RPS25: variants seen among roughly 807,000 people sequenced by gnomAD.
RPS25 encodes small ribosomal subunit protein eS25.
RPS25 carries 1 observed loss-of-function variant against 14.4 expected under a neutral mutation model. The observed-to-expected ratio is 0.07, with a 90% CI of 0.02 to 0.33. RPS25 has a LOEUF of 0.33. Among genes scored for constraint, RPS25 ranks in the 10% least tolerant of loss-of-function variants. The pLI is 1.00. For missense variants in RPS25, 65 were observed against 144.6 expected, an observed-to-expected ratio of 0.45 and a Z score of 2.82; for synonymous variants, 63 against 53.8, an observed-to-expected ratio of 1.17 and a Z score of -0.75.
chr11:119,017,254 C>T, intron 3 of RPS25, 108 bp downstream of exon 3: 2 of 811,566 alleles, frequency 2.5e-6, no homozygotes, highest in East Asian at 2.7e-5. Context: ...ATGGTCAAGC[C>T]ACGCTTTTTT....
At chr11:119,017,577 G>T in intron 2 of RPS25, 32 bp from the exon 3 acceptor site, 1 of 1,591,200 alleles carries the variant, frequency 6.3e-7, no homozygotes, top group Non-Finnish European at 8.6e-7. Context: ...AAACAAGTTA[G>T]TATTTCTGGC....
At position 119,015,858 on chromosome 11, in the gene RPS25, C is replaced by A. The variant is rs1287164542; in HGVS notation, c.365G>T (p.Gly122Val). The A allele has an allele frequency of 6.2e-7, 1 of 1,603,450 alleles. No individual in the cohort carries two copies. Among genetic ancestry groups the A allele is most frequent in the Non-Finnish European group, 8.5e-7 (1 of 1,170,408 alleles). The change falls in exon 4 of 5, where the codon GGT (glycine) becomes GTT (valine). Residue 122 changes from glycine (G) to valine (V), a missense_variant. Physicochemically the swap from Gly to Val is moderately radical, Grantham distance 109. Coordinates refer to ENST00000527673, the MANE Select transcript of RPS25 (RefSeq NM_001028.3). ...NTKGGDAPAA[G>V]EDA ...CTACTCACCTATTCATGCATCTTCA[C>A]CAGCAGCTGGAGCATCTCCACCCTT...
rs1238370899 is a variant in RPS25, at chr11:119,017,994, G to A, written c.63C>T (p.Asp21=). The A allele has an allele frequency of 4.3e-6, 7 of 1,612,400 alleles. No homozygotes were observed. The highest frequency in any genetic ancestry group is 5.1e-6 in the Non-Finnish European group (6 of 1,179,990). ...CCTTGCCCCCGGATTTGTTCACTGG[G>A]TCTTTGTCTTTCTTGGCCGACTTTC... ...DAGKSAKKDK[D]PVNKSGGKAK... is the part of the protein sequence containing the mutation. The change falls in exon 2 of 5, where the codon GAC becomes GAT. Residue 21 remains aspartate (D), a synonymous_variant. Transcript: ENST00000527673.
intron 3 of RPS25, among the ~76,000 whole-genome samples, chr11:119,016,659 C>G (rs1205598611): frequency 2.9e-5 from 4 of 138,726 alleles, no homozygotes; most frequent in African/African-American, 5.2e-5. Flanking sequence ...CTGAGACAGT[C>G]TTTTGCTGTC....
At position 119,017,992 on chromosome 11, in the gene RPS25, G is replaced by C; in HGVS notation, c.65C>G (p.Pro22Arg). 1 of 1,612,372 alleles carries C rather than the reference G, an allele frequency of 6.2e-7. No individual in the cohort carries two copies. The highest frequency in any genetic ancestry group is 8.5e-7 in the Non-Finnish European group (1 of 1,179,972). Residue 22 changes from proline (P) to arginine (R), a missense_variant, in exon 2 of 5, where the codon CCA becomes CGA. Physicochemically the swap from Pro to Arg is moderately radical, Grantham distance 103 (BLOSUM62 -2). Transcript: ENST00000527673. ...AGKSAKKDKDPVNKSGGKAKK... is the reference protein window; with the variant it reads ...AGKSAKKDKDRVNKSGGKAKK... The stretch of plus-strand genomic sequence containing the variant: ...GGCCTTGCCCCCGGATTTGTTCACT[G>C]GGTCTTTGTCTTTCTTGGCCGACTT...
chr11:119,017,924 C>T (rs373304306), intron 2 of RPS25, 34 bp downstream of exon 2: 383 of 1,532,594 alleles, frequency 2.5e-4, no homozygotes, highest in Non-Finnish European at 3.3e-4. Context: ...GAGAGAGTTA[C>T]CCCTAGTCTC....
Position 119,017,553 on chromosome 11 carries a change from CCAAAA to C in RPS25, c.100-13_100-9del. On this transcript the variant is annotated splice_polypyrimidine_tract_variant and intron_variant, in intron 2 of 4. Coordinates refer to ENST00000527673, the MANE Select transcript of RPS25 (RefSeq NM_001028.3). ...TTTGCCTTTGGACCACTTCTGCTCACCAAAACAAAACAGAAACAAGTTAGTATTTC... is the reference window on the plus strand; with the variant it reads ...TTTGCCTTTGGACCACTTCTGCTCACCAAAACAGAAACAAGTTAGTATTTC... 1.2e-6 allele frequency: 2 copies of C among 1,610,090 alleles called. No individual in the cohort carries two copies. Among genetic ancestry groups the C allele is most frequent in the Non-Finnish European group, 1.7e-6 (2 of 1,177,514 alleles).
At chr11:119,018,086 C>T in intron 1 of RPS25, 33 bp from the exon 2 acceptor site, 1 of 1,601,646 alleles carries the variant, frequency 6.2e-7, no homozygotes, top group South Asian at 1.1e-5. Context: ...CAACCAGGTC[C>T]TCAAATAGCG....
At chr11:119,016,503 G>C (rs1457844548) in intron 3 of RPS25, among the ~76,000 whole-genome samples, 1 of 152,126 alleles carries the variant, frequency 6.6e-6, no homozygotes, top group Non-Finnish European at 1.5e-5. Context: ...CTCCCAAGTA[G>C]CTAGAAATAC....
chr11:119,016,527 C>T (rs565838889), intron 3 of RPS25, among the ~76,000 whole-genome samples: 2 of 152,248 alleles, frequency 1.3e-5, no homozygotes, highest in South Asian at 4.2e-4. Flanking sequence ...GGTACCACTG[C>T]ACCTGGCTCC....
chr11:119,016,031 T>C (rs1180752817), intron 3 of RPS25, 92 bp from the exon 4 acceptor site: 1 of 766,492 alleles, frequency 1.3e-6, no homozygotes, highest in Non-Finnish European at 2.3e-6. Context: ...CTCATGCTTA[T>C]AATCCCACTG....
chr11:119,017,611 TA>T (rs1943193385), intron 2 of RPS25, 66 bp from the exon 3 acceptor site: 1 of 1,348,804 alleles, frequency 7.4e-7, no homozygotes, highest in Non-Finnish European at 1.0e-6. Context: ...CCCTCTCGAG[TA>T]ATCTGCGTCA....
rs1459176762 is a variant in RPS25, at chr11:119,018,176, G to T, written c.3+106C>A. 6 of 1,585,528 alleles carry T rather than the reference G, an allele frequency of 3.8e-6. No individual in the cohort carries two copies. The South Asian group carries it at 6.6e-5, about 18-fold the overall frequency. On this transcript the variant is annotated intron_variant, in intron 1 of 4. Coordinates refer to ENST00000527673, the MANE Select transcript of RPS25 (RefSeq NM_001028.3). Reference sequence around the variant, plus strand: ...CATGGGCCAAGCAATAACCGCGCCCGCCCTGCAACCGAGGCCGGCAGGCCA... The same window carrying T: ...CATGGGCCAAGCAATAACCGCGCCCTCCCTGCAACCGAGGCCGGCAGGCCA...
rs1438324687 is a variant in RPS25, at chr11:119,018,193, G to A, written c.3+89C>T. ...CCGCGCCCGCCCTGCAACCGAGGCC[G>A]GCAGGCCAAGGAGCGCTCCCGCCGA... On this transcript the variant is annotated intron_variant, in intron 1 of 4. Transcript: ENST00000527673. 2.5e-6 allele frequency: 4 copies of A among 1,598,338 alleles called. No homozygotes were observed. The African/African-American group carries it at 4.0e-5, about 16-fold the overall frequency.
intron 3 of RPS25, among the ~76,000 whole-genome samples, chr11:119,016,644 C>G (rs908338019): frequency 1.4e-4 from 21 of 151,514 alleles, no homozygotes; most frequent in African/African-American, 2.9e-4. Flanking sequence ...ACCCCCCCCC[C>G]CTTTCTGAGA....
chr11:119,015,729 T>G lies in RPS25; in HGVS notation c.*34A>C. ...CTCATTCATTTGATTTAATAAAGTT[T>G]TATTTTTCCAAATGTACAGCTGGTT... is the stretch of plus-strand genomic sequence containing the variant. On this transcript the variant is annotated 3_prime_UTR_variant, in exon 5 of 5. Coordinates refer to ENST00000527673, the MANE Select transcript of RPS25 (RefSeq NM_001028.3). 1 of 1,298,490 alleles carries G rather than the reference T, an allele frequency of 7.7e-7. No homozygotes were observed. Among genetic ancestry groups the G allele is most frequent in the Middle Eastern group, 1.9e-4 (1 of 5,278 alleles). 80.4% of individuals were successfully genotyped at this position (1,298,490 alleles called of 1,614,324 possible).
chr11:119,018,318 G>C lies in RPS25; in HGVS notation c.-34C>G, dbSNP rs114452850. The C allele has an allele frequency of 3.7e-6, 6 of 1,613,976 alleles. No individual in the cohort carries two copies. The highest frequency in any genetic ancestry group is 4.2e-6 in the Non-Finnish European group (5 of 1,180,018). ...TCGGAGAATAGCAGCAGACACCGCA[G>C]CCTCGTCAAGATGTCGGACAAAAAG... On this transcript the variant is annotated 5_prime_UTR_variant, in exon 1 of 5. Transcript: ENST00000527673.
chr11:119,015,865 C>G lies in RPS25; in HGVS notation c.358G>C (p.Ala120Pro). The G allele has an allele frequency of 6.2e-7, 1 of 1,606,184 alleles. No individual in the cohort carries two copies. The highest frequency in any genetic ancestry group is 8.5e-7 in the Non-Finnish European group (1 of 1,172,738). The change falls in exon 4 of 5, where the codon GCT (alanine) becomes CCT (proline). Residue 120 changes from alanine to proline, a missense_variant. Ala to Pro is a conservative substitution (Grantham distance 27, BLOSUM62 -1). Transcript: ENST00000527673. ...CCTATTCATGCATCTTCACCAGCAG[C>G]TGGAGCATCTCCACCCTTGGTATTT... ...TRNTKGGDAPAAGEDA is the reference protein window; with the variant it reads ...TRNTKGGDAPPAGEDA
chr11:119,018,115 G>T, intron 1 of RPS25, 62 bp from the exon 2 acceptor site: 1 of 1,568,430 alleles, frequency 6.4e-7, no homozygotes, highest in Non-Finnish European at 8.8e-7. Context: ...CCCTAATACT[G>T]CGCCCTCAGC....
Sources: gnomAD v4.1 joint callset for allele counts (sites outside exome capture counted in the v4.1 genomes callset) on GRCh38, gnomAD v4.1.1 for gene constraint, MANE v1.5 for transcripts, NCBI Gene and HGNC (gene_info 2026-07-23, HGNC 2026-07-21) for gene names.